The following COBL variants were observed in gnomAD, a reference collection of about 807,000 sequenced individuals.
The protein encoded by COBL is protein cordon-bleu.
Under a neutral mutation model 98.8 loss-of-function variants are expected in COBL, and 51 were observed. That is an observed-to-expected ratio of 0.52 (90% CI 0.41 to 0.65). COBL has a LOEUF of 0.65. Among genes scored for constraint, COBL ranks in the 30% least tolerant of loss-of-function variants. The probability of loss-of-function intolerance (pLI) is 0.00; values close to 1 mark genes in which losing one functional copy is unlikely to be tolerated. For missense variants in COBL, 1,617 were observed against 1,617.5 expected (o/e 1.00, Z 0.01); for synonymous variants, 634 against 651.7 (o/e 0.97, Z 0.41).
intron 8 of COBL, chr7:51,035,715 A>C (rs1788568415): frequency 6.6e-6 from 1 of 152,200 alleles, no homozygotes; most frequent in Admixed American, 6.5e-5. Context: ...AATTAATATA[A>C]AATTATTTCT....
At chr7:51,108,954 ACACC>A (rs777095689) in intron 6 of COBL, among the ~76,000 whole-genome samples, 4,382 of 35,670 alleles carry the variant, frequency 0.12, 246 homozygotes, top group African/African-American at 0.27. Flanking sequence ...ACACACACAC[ACACC>A]CCCTGCCCCA....
chr7:51,220,695 T>C lies in COBL; in HGVS notation c.42-751A>G, dbSNP rs561508302. 7.0e-4 allele frequency among the ~76,000 whole-genome samples: 106 copies of C among 152,244 alleles called. 1 individual carries two copies. Among genetic ancestry groups the C allele is most frequent in the Non-Finnish European group, 1.1e-3 (78 of 68,008 alleles). On this transcript the variant is annotated intron_variant, in intron 1 of 12. Coordinates refer to ENST00000265136, the MANE Select transcript of COBL (RefSeq NM_015198.5). ...GTTCAGGGGTCCACGTGCAGGTAAA[T>C]TGCGTGTCACCAGGGTTAGGTGTAC...
intron 6 of COBL, among the ~76,000 whole-genome samples, chr7:51,104,046 G>T (rs1434569837): frequency 6.6e-6 from 1 of 152,236 alleles, no homozygotes; most frequent in African/African-American, 2.4e-5. Context: ...TCAAGTCTGA[G>T]AATTCAGAAA....
chr7:51,136,694 A>C (rs943877537), intron 5 of COBL, among the ~76,000 whole-genome samples: 7 of 152,222 alleles, frequency 4.6e-5, no homozygotes, highest in African/African-American at 1.7e-4. Context: ...GCTCTTAGAC[A>C]CTAAAAAGAG....
At chr7:51,082,972 G>A (rs1793817090) in intron 7 of COBL, 3 of 1,274,578 alleles carry the variant, frequency 2.4e-6, no homozygotes, top group African/African-American at 2.9e-5. Flanking sequence ...AGACAAGAAT[G>A]GAAAATCTGG....
chr7:51,241,501 G>A lies in COBL; in HGVS notation c.42-21557C>T, dbSNP rs76433563. Among the ~76,000 whole-genome samples the A allele has an allele frequency of 3.1e-3, 476 of 152,176 alleles. 2 individuals carry two copies. Among genetic ancestry groups the A allele is most frequent in the African/African-American group, 0.011 (440 of 41,530 alleles). On this transcript the variant is annotated intron_variant, in intron 1 of 12. Transcript: ENST00000265136. ...TCCCATTAAGAAACCAATGCTCCTC[G>A]GCCGTTCCCACGATCACCGATTAAC...
chr7:51,299,800 T>C (rs1195245717), intron 1 of COBL, among the ~76,000 whole-genome samples: 1 of 152,132 alleles, frequency 6.6e-6, no homozygotes, highest in African/African-American at 2.4e-5. Flanking sequence ...AGGAACATAA[T>C]ACAGGAAAAG....
At chr7:51,236,579 A>G (rs769585070) in intron 1 of COBL, among the ~76,000 whole-genome samples, 4 of 152,116 alleles carry the variant, frequency 2.6e-5, no homozygotes, top group African/African-American at 4.8e-5. Context: ...AACCAAACTC[A>G]AAGTCCCTGG....
At chr7:51,247,637 G>A (rs1423302381) in intron 1 of COBL, among the ~76,000 whole-genome samples, 1 of 152,076 alleles carries the variant, frequency 6.6e-6, no homozygotes, top group African/African-American at 2.4e-5. Context: ...TTCATGGCAG[G>A]GGGTGGGGAG....
At chr7:51,049,612 G>T (rs922887439) in intron 7 of COBL, among the ~76,000 whole-genome samples, 4 of 152,192 alleles carry the variant, frequency 2.6e-5, no homozygotes, top group African/African-American at 7.2e-5. Context: ...CAGAAGTGGG[G>T]TCACTCATTC....
At chr7:51,095,149 A>G (rs1795159097) in intron 6 of COBL, among the ~76,000 whole-genome samples, 1 of 152,222 alleles carries the variant, frequency 6.6e-6, no homozygotes, top group Non-Finnish European at 1.5e-5. Flanking sequence ...GGGAGGCCTC[A>G]CAATCACAGT....
chr7:51,261,523 G>A (rs918264136), intron 1 of COBL, among the ~76,000 whole-genome samples: 30 of 152,328 alleles, frequency 2.0e-4, no homozygotes, highest in African/African-American at 5.3e-4. Flanking sequence ...TGGTGATTTC[G>A]TCTGAGCTAA....
chr7:51,176,035 C>A (rs1311443191), intron 5 of COBL, among the ~76,000 whole-genome samples: 1 of 152,188 alleles, frequency 6.6e-6, no homozygotes, highest in Non-Finnish European at 1.5e-5. Context: ...AGCTGAGAAG[C>A]TGAGACCCTA....
intron 7 of COBL, chr7:51,065,518 TAC>T (rs1420922407): frequency 3.1e-6 from 2 of 648,326 alleles, no homozygotes; most frequent in Admixed American, 2.2e-5. Flanking sequence ...GTGGTTCACA[TAC>T]AGTGTTGGGC....
chr7:51,214,530 TCTC>T (rs1563048128), intron 2 of COBL, among the ~76,000 whole-genome samples: 1 of 152,068 alleles, frequency 6.6e-6, no homozygotes, highest in South Asian at 2.1e-4. Context: ...TTAATTCTGA[TCTC>T]CTCATTTTTT....
intron 6 of COBL, among the ~76,000 whole-genome samples, chr7:51,100,820 T>C (rs1163869010): frequency 6.6e-6 from 1 of 152,106 alleles, no homozygotes; most frequent in African/African-American, 2.4e-5. Context: ...CAAGAATCAC[T>C]TGAACCCGGG....
At chr7:51,065,087 A>C in intron 7 of COBL, 1 of 663,352 alleles carries the variant, frequency 1.5e-6, no homozygotes, top group Non-Finnish European at 2.7e-6. Flanking sequence ...CATAGAAAAC[A>C]CCTTCACAGT....
intron 5 of COBL, among the ~76,000 whole-genome samples, chr7:51,175,339 A>G (rs1788266188): frequency 6.6e-6 from 1 of 152,226 alleles, no homozygotes; most frequent in Non-Finnish European, 1.5e-5. Flanking sequence ...CATGAACGTG[A>G]GTTCTCTCAC....
intron 2 of COBL, among the ~76,000 whole-genome samples, chr7:51,208,431 G>A (rs1200835714): frequency 1.0e-4 from 6 of 60,124 alleles, no homozygotes; most frequent in African/African-American, 2.8e-4. Flanking sequence ...CGTCCGGGAG[G>A]GAGGTGGGGG....
Sources: allele counts gnomAD v4.1 joint callset (sites outside exome capture counted in the v4.1 genomes callset), GRCh38; gene constraint gnomAD v4.1.1; transcripts MANE v1.5; gene names NCBI Gene and HGNC (gene_info 2026-07-23, HGNC 2026-07-21).